The following GPC5 variants were observed in gnomAD, a reference collection of about 807,000 sequenced individuals.
GPC5 encodes glypican 5, also known as glypican-5.
A neutral mutation model predicts 53.9 loss-of-function variants in GPC5; 47 were observed. The ratio of observed to expected loss-of-function variants is 0.87; its 90% confidence interval spans 0.69 to 1.11. The LOEUF is 1.11. Ranked by LOEUF, GPC5 falls within the 50% of genes most tolerant of loss-of-function variation. The pLI, the probability that GPC5 is intolerant of heterozygous loss-of-function variation, is 0.00. For missense variants in GPC5, 748 were observed against 713.1 expected (o/e 1.05, Z -0.56); for synonymous variants, 286 against 263.3 (o/e 1.09, Z -0.84).
At chr13:92,438,375 G>A (rs1282650565) in intron 7 of GPC5, among the ~76,000 whole-genome samples, 2 of 63,448 alleles carry the variant, frequency 3.2e-5, no homozygotes, top group Admixed American at 4.6e-4. Context: ...AACGTTTAAA[G>A]CAAAATAAAT....
chr13:91,619,740 C>T (rs555445481), intron 2 of GPC5, among the ~76,000 whole-genome samples: 11 of 152,042 alleles, frequency 7.2e-5, no homozygotes, highest in South Asian at 2.1e-4. Flanking sequence ...TTTTGTTCTT[C>T]GGAGTTTTTC....
chr13:91,667,733 A>C (rs1435829480), intron 2 of GPC5, among the ~76,000 whole-genome samples: 3 of 152,046 alleles, frequency 2.0e-5, no homozygotes, highest in African/African-American at 7.2e-5. Context: ...TGGGTGGGAG[A>C]GTATGCCTGG....
At chr13:92,690,259 C>A (rs373300460) in intron 7 of GPC5, among the ~76,000 whole-genome samples, 1 of 60,388 alleles carries the variant, frequency 1.7e-5, no homozygotes, top group East Asian at 1.4e-3. Context: ...GGAGGCTTTG[C>A]TCATTTCTTT....
At chr13:91,626,421 C>T (rs2034003382) in intron 2 of GPC5, among the ~76,000 whole-genome samples, 1 of 151,990 alleles carries the variant, frequency 6.6e-6, no homozygotes, top group Non-Finnish European at 1.5e-5. Flanking sequence ...CAGTATTATC[C>T]AGGCCTACCT....
intron 7 of GPC5, among the ~76,000 whole-genome samples, chr13:92,436,407 A>C (rs1373307043): frequency 6.6e-6 from 1 of 152,138 alleles, no homozygotes; most frequent in Admixed American, 6.6e-5. Context: ...ATTCAGTTGC[A>C]GTCTTGTATC....
At chr13:91,596,476 G>C (rs769611997) in intron 2 of GPC5, among the ~76,000 whole-genome samples, 1 of 152,130 alleles carries the variant, frequency 6.6e-6, no homozygotes, top group Non-Finnish European at 1.5e-5. Context: ...TGGCTTTGAC[G>C]TATTGGTTTT....
intron 7 of GPC5, among the ~76,000 whole-genome samples, chr13:92,584,773 G>A (rs1229760345): frequency 6.6e-6 from 1 of 152,070 alleles, no homozygotes; most frequent in South Asian, 2.1e-4. Context: ...GGGTCCCTGT[G>A]TGGCATGCAG....
intron 7 of GPC5, among the ~76,000 whole-genome samples, chr13:92,353,266 C>CAA (rs563794696): frequency 5.7e-4 from 38 of 66,872 alleles, no homozygotes; most frequent in Admixed American, 3.6e-3. Context: ...GACTCCGTCT[C>CAA]AAAAAAAAAA....
chr13:91,728,258 T>C (rs775164072), intron 3 of GPC5, among the ~76,000 whole-genome samples: 50 of 152,160 alleles, frequency 3.3e-4, no homozygotes, highest in Non-Finnish European at 6.3e-4. Flanking sequence ...TAAGTCAGTT[T>C]ATTAATATAG....
intron 5 of GPC5, among the ~76,000 whole-genome samples, chr13:91,810,597 AAAT>A (rs1261354003): frequency 2.0e-5 from 3 of 151,968 alleles, no homozygotes; most frequent in African/African-American, 7.2e-5. Context: ...TAATAAATAA[AAAT>A]AGAGTAAAAA....
intron 3 of GPC5, among the ~76,000 whole-genome samples, chr13:91,698,653 A>C (rs1354008307): frequency 6.6e-6 from 1 of 152,214 alleles, no homozygotes; most frequent in Non-Finnish European, 1.5e-5. Context: ...TCAAAATCTC[A>C]GTCTCCAAAG....
chr13:92,460,362 C>T (rs570391745), intron 7 of GPC5, among the ~76,000 whole-genome samples: 60 of 152,194 alleles, frequency 3.9e-4, no homozygotes, highest in African/African-American at 1.4e-3. Context: ...CATTTACTCC[C>T]CAAACAGAAT....
At chr13:91,829,739 C>A (rs901088029) in intron 5 of GPC5, among the ~76,000 whole-genome samples, 1 of 151,942 alleles carries the variant, frequency 6.6e-6, no homozygotes, top group African/African-American at 2.4e-5. Context: ...TAAAGCTGGG[C>A]ATCCGGGGGA....
intron 7 of GPC5, among the ~76,000 whole-genome samples, chr13:92,806,130 T>C (rs1411940678): frequency 1.3e-5 from 2 of 152,268 alleles, no homozygotes; most frequent in Middle Eastern, 3.4e-3. Flanking sequence ...CTTGATCTTC[T>C]AGATAACTTG....
At chr13:92,650,567 T>C (rs1164999309) in intron 7 of GPC5, among the ~76,000 whole-genome samples, 2 of 152,154 alleles carry the variant, frequency 1.3e-5, no homozygotes, top group Non-Finnish European at 2.9e-5. Context: ...ACAGTGCATA[T>C]ACAGGCCAGA....
intron 1 of GPC5, among the ~76,000 whole-genome samples, chr13:91,436,478 T>C (rs1420755569): frequency 6.6e-6 from 1 of 152,202 alleles, no homozygotes; most frequent in African/African-American, 2.4e-5. Context: ...TTGTTCAGTT[T>C]CCATGTAGTT....
chr13:92,546,057 A>C (rs541630580), intron 7 of GPC5, among the ~76,000 whole-genome samples: 1 of 152,236 alleles, frequency 6.6e-6, no homozygotes, highest in Admixed American at 6.5e-5. Context: ...AGCCAATATC[A>C]TACTGAATGG....
chr13:92,755,816 T>G (rs1449737241), intron 7 of GPC5, among the ~76,000 whole-genome samples: 17 of 142,110 alleles, frequency 1.2e-4, no homozygotes, highest in African/African-American at 4.4e-4. Context: ...AATAACAGGA[T>G]CTGAAATTGT....
intron 7 of GPC5, among the ~76,000 whole-genome samples, chr13:92,836,305 T>C (rs1878217999): frequency 6.6e-6 from 1 of 152,090 alleles, no homozygotes. Context: ...CATAAAGTTG[T>C]ATTCCATCTG....
Sources: gnomAD v4.1 joint callset for allele counts (sites outside exome capture counted in the v4.1 genomes callset) on GRCh38, gnomAD v4.1.1 for gene constraint, MANE v1.5 for transcripts, NCBI Gene and HGNC (gene_info 2026-07-23, HGNC 2026-07-21) for gene names.